The following AP4E1 variants were observed in gnomAD, a reference collection of about 807,000 sequenced individuals.
The protein encoded by AP4E1 is adaptor related protein complex 4 subunit epsilon 1, also known as AP-4 complex subunit epsilon-1.
A neutral mutation model predicts 128.2 loss-of-function variants in AP4E1; 56 were observed. That is an observed-to-expected ratio of 0.44 (90% CI 0.35 to 0.55). The LOEUF (loss-of-function observed/expected upper bound fraction) is 0.55, where lower values mean the gene tolerates loss of function less well. AP4E1 is among the 20% of genes least tolerant of loss of function. The pLI is 0.00. For missense variants in AP4E1, 1,324 were observed against 1,307.7 expected (o/e 1.01, Z -0.19); for synonymous variants, 484 against 473.1 (o/e 1.02, Z -0.30).
intron 3 of AP4E1, among the ~76,000 whole-genome samples, chr15:50,920,874 C>A (rs1360869512): frequency 6.6e-6 from 1 of 152,226 alleles, no homozygotes. Flanking sequence ...TCTCGGCTTA[C>A]TGCAATCTCT....
rs1195052914 is a variant in AP4E1, at chr15:50,941,771, G to A, written c.1172G>A (p.Arg391Lys). The change falls in exon 10 of 21, where the codon AGA becomes AAA. Residue 391 changes from arginine to lysine, a missense_variant. Coordinates refer to ENST00000261842, the MANE Select transcript of AP4E1 (RefSeq NM_007347.5). ...GATCATCCTGATCCCATTATTAAAA[G>A]AGAGGTAAACTGGTATTTTGAATAG... ...CLDHPDPIIK[R>K]ETLELLYRIT... The A allele has an allele frequency of 6.2e-7, 1 of 1,605,754 alleles. No individual in the cohort carries two copies. Among genetic ancestry groups the A allele is most frequent in the Non-Finnish European group, 8.5e-7 (1 of 1,172,712 alleles).
chr15:50,908,711 G>A lies in AP4E1; in HGVS notation c.-68G>A. On this transcript the variant is annotated 5_prime_UTR_variant, in exon 1 of 21. Transcript: ENST00000261842. ...GCCTACGGAGGCCGGGCCGGCAGCG[G>A]CGGCCGGGCATGAAGCCGGGCGGCT... The A allele has an allele frequency of 1.4e-6, 2 of 1,401,762 alleles. No individual in the cohort carries two copies. The highest frequency in any genetic ancestry group is 1.8e-6 in the Non-Finnish European group (2 of 1,082,086). The allele number at this position is 1,401,762 out of a possible 1,614,324, so 86.8% of individuals were successfully genotyped here. A position where few individuals can be genotyped will look rare whatever the true frequency, so the allele number is the denominator to read the frequency against.
chr15:50,977,572 C>T (rs570064743), intron 15 of AP4E1, among the ~76,000 whole-genome samples: 20 of 152,046 alleles, frequency 1.3e-4, no homozygotes, highest in African/African-American at 4.8e-4. Context: ...TTAATAAATA[C>T]TTGTGGAATA....
At chr15:50,932,753 C>T (rs2063851125) in intron 7 of AP4E1, among the ~76,000 whole-genome samples, 1 of 152,176 alleles carries the variant, frequency 6.6e-6, no homozygotes, top group African/African-American at 2.4e-5. Flanking sequence ...GGCTACATCA[C>T]TGTTGGTATT....
At chr15:50,938,288 C>T (rs2063935225) in intron 8 of AP4E1, among the ~76,000 whole-genome samples, 1 of 152,154 alleles carries the variant, frequency 6.6e-6, no homozygotes, top group South Asian at 2.1e-4. Flanking sequence ...TGCCCTCTCT[C>T]ACCAAAGGAC....
intron 1 of AP4E1, among the ~76,000 whole-genome samples, chr15:50,910,600 A>G (rs2063554825): frequency 6.6e-6 from 1 of 152,232 alleles, no homozygotes; most frequent in Non-Finnish European, 1.5e-5. Context: ...TAATAAGTTG[A>G]TGCTATCCGG....
At position 50,949,894 on chromosome 15, in the gene AP4E1, T is replaced by C. The variant is rs1385700263; in HGVS notation, c.1385T>C (p.Met462Thr). 3 of 1,613,820 alleles carry C rather than the reference T, an allele frequency of 1.9e-6. No individual in the cohort carries two copies. Among genetic ancestry groups the C allele is most frequent in the Non-Finnish European group, 2.5e-6 (3 of 1,179,808 alleles). Reference protein sequence around the residue: ...NAVFSVGGDVMHPDIPNNFLR... With the variant: ...NAVFSVGGDVTHPDIPNNFLR... ...GTGTTTTCAGTAGGAGGAGATGTAA[T>C]GCATCCTGATATTCCCAATAACTTT... Residue 462 changes from methionine (M) to threonine (T), a missense_variant, in exon 12 of 21, where the codon ATG becomes ACG. Coordinates refer to ENST00000261842, the MANE Select transcript of AP4E1 (RefSeq NM_007347.5).
chr15:50,969,865 T>G lies in AP4E1; in HGVS notation c.1966+1488T>G, dbSNP rs375577080. On this transcript the variant is annotated intron_variant, in intron 15 of 20. Coordinates refer to ENST00000261842, the MANE Select transcript of AP4E1 (RefSeq NM_007347.5). Reference sequence around the variant, plus strand: ...TAGTAGAGACAGGGTTTCACCATGTTAGCCAGGATGGTCTCGATCTCCTGA... The same window carrying G: ...TAGTAGAGACAGGGTTTCACCATGTGAGCCAGGATGGTCTCGATCTCCTGA... 5.9e-5 allele frequency among the ~76,000 whole-genome samples: 9 copies of G among 152,220 alleles called. No individual in the cohort carries two copies. In the East Asian group the frequency reaches 1.5e-3, roughly 26 times the overall value.
chr15:50,907,673 A>G (rs140055937), upstream of AP4E1, among the ~76,000 whole-genome samples: 18 of 152,342 alleles, frequency 1.2e-4, no homozygotes, highest in African/African-American at 3.4e-4. Context: ...TTTACCAGCT[A>G]GTCAATCGTC....
chr15:50,929,978 A>G (rs1425762471), intron 6 of AP4E1, among the ~76,000 whole-genome samples: 1 of 151,892 alleles, frequency 6.6e-6, no homozygotes, highest in Non-Finnish European at 1.5e-5. Flanking sequence ...GATTACTCAG[A>G]TACATAATCA....
rs555871531 is a variant in AP4E1 at position 50,947,811 on chromosome 15, T to G, written c.1177-209T>G. Among the ~76,000 whole-genome samples, 44 of 152,344 alleles carry G rather than the reference T, an allele frequency of 2.9e-4. No homozygotes were observed. The South Asian group carries it at 3.5e-3, about 12-fold the overall frequency. On this transcript the variant is annotated intron_variant, in intron 10 of 20. Coordinates refer to ENST00000261842, the MANE Select transcript of AP4E1 (RefSeq NM_007347.5). ...ATCTCAGTAGGAAGCTTATAGACAT[T>G]GGAATTGATCATAATTCATTTTTTG...
intron 16 of AP4E1, among the ~76,000 whole-genome samples, chr15:50,989,515 TC>T (rs1478198038): frequency 5.3e-5 from 8 of 151,986 alleles, no homozygotes; most frequent in African/African-American, 1.9e-4. Context: ...TCTGTTAACC[TC>T]CTTATTTTCT....
At chr15:50,957,778 G>A (rs1288064921) in intron 13 of AP4E1, among the ~76,000 whole-genome samples, 1 of 146,414 alleles carries the variant, frequency 6.8e-6, no homozygotes, top group Non-Finnish European at 1.5e-5. Flanking sequence ...CCAGGTTCAA[G>A]CAGTTCTTCT....
intron 14 of AP4E1, among the ~76,000 whole-genome samples, chr15:50,963,494 T>A (rs2064344135): frequency 6.6e-6 from 1 of 152,164 alleles, no homozygotes; most frequent in Non-Finnish European, 1.5e-5. Context: ...AAATATTACA[T>A]GTTCTTATGC....
At chr15:50,911,725 G>A (rs1352781776) in intron 1 of AP4E1, among the ~76,000 whole-genome samples, 1 of 151,990 alleles carries the variant, frequency 6.6e-6, no homozygotes, top group Non-Finnish European at 1.5e-5. Context: ...TGATTCACTC[G>A]CCTTGGCCTC....
rs11635102 is a variant in AP4E1, at chr15:50,968,678, T to A, written c.1966+301T>A. Among the ~76,000 whole-genome samples the A allele has an allele frequency of 0.61, 92,081 of 152,032 alleles. 28,082 individuals are homozygous for A. The highest frequency in any genetic ancestry group is 0.63 in the Non-Finnish European group (43,010 of 67,970). ...AGTCTTGCTCTGTCACCCAGGCTGC[T>A]GTGCAGTGGCACGATCTGGGCTTAC... On this transcript the variant is annotated intron_variant, in intron 15 of 20. Transcript: ENST00000261842.
upstream of AP4E1, among the ~76,000 whole-genome samples, chr15:50,907,700 ACT>A (rs747923583): frequency 2.0e-5 from 3 of 151,830 alleles, no homozygotes; most frequent in Non-Finnish European, 2.9e-5. Context: ...CCGCTTGAAA[ACT>A]CTGTACATTT....
chr15:50,943,592 T>C (rs1328429067), intron 10 of AP4E1, among the ~76,000 whole-genome samples: 1 of 152,262 alleles, frequency 6.6e-6, no homozygotes, highest in South Asian at 2.1e-4. Context: ...AGCATGCATT[T>C]CCTTTGTATA....
At chr15:50,921,181 G>A (rs1169921360) in intron 3 of AP4E1, among the ~76,000 whole-genome samples, 2 of 151,924 alleles carry the variant, frequency 1.3e-5, no homozygotes, top group Admixed American at 6.6e-5. Flanking sequence ...TTAGAGATAG[G>A]GTCTTGCTAC....
Sources: allele counts gnomAD v4.1 joint callset (sites outside exome capture counted in the v4.1 genomes callset), GRCh38; gene constraint gnomAD v4.1.1; transcripts MANE v1.5; gene names NCBI Gene and HGNC (gene_info 2026-07-23, HGNC 2026-07-21).